Variants in CEP170B observed in about 807,000 individuals in gnomAD.
The protein encoded by CEP170B is centrosomal protein of 170 kDa protein B.
A neutral mutation model predicts 120.6 loss-of-function variants in CEP170B; 55 were observed. The ratio of observed to expected loss-of-function variants is 0.46; its 90% confidence interval spans 0.37 to 0.57. The LOEUF (loss-of-function observed/expected upper bound fraction) is 0.57. Among genes scored for constraint, CEP170B ranks in the 20% least tolerant of loss-of-function variants. The pLI, the probability that CEP170B is intolerant of heterozygous loss-of-function variation, is 0.00. For synonymous variants in CEP170B, 1,033 were observed against 954.5 expected, an observed-to-expected ratio of 1.08 and a Z score of -1.52; for missense variants, 2,212 against 2,253.3, an observed-to-expected ratio of 0.98 and a Z score of 0.37.
At chr14:104,877,804 A>AACCCC in intron 3 of CEP170B, 81 bp from the exon 4 acceptor site, 2 of 572,572 alleles carry the variant, frequency 3.5e-6, no homozygotes, top group Non-Finnish European at 5.6e-6. Flanking sequence ...CCACCTGCTC[A>AACCCC]GCCCCACCAC....
Position 104,878,495 on chromosome 14 carries a change from A to G in CEP170B, c.327A>G (p.Ala109=). ...TGCAGCACCGAGTCCCGGAGGAGGCACTCAAGGTTAGTGCTGGCCAAGCCC... is the reference window on the plus strand; with the variant it reads ...TGCAGCACCGAGTCCCGGAGGAGGCGCTCAAGGTTAGTGCTGGCCAAGCCC... ...ERVQHRVPEE[A]LKHEKYTSQL... is the part of the protein sequence containing the mutation. Residue 109 remains alanine (A), a synonymous_variant, in exon 5 of 19, where the codon GCA becomes GCG. Coordinates refer to ENST00000414716, the MANE Select transcript of CEP170B (RefSeq NM_001112726.3). The G allele has an allele frequency of 6.2e-7, 1 of 1,611,166 alleles. No individual in the cohort carries two copies. The highest frequency in any genetic ancestry group is 8.5e-7 in the Non-Finnish European group (1 of 1,179,636).
intron 13 of CEP170B, among the ~76,000 whole-genome samples, chr14:104,890,719 T>TGGGTGGGTGTGGATGGATGGATGAGTG (rs60802019): frequency 3.0e-5 from 1 of 33,114 alleles, no homozygotes; most frequent in Non-Finnish European, 6.0e-5. Context: ...GATGGATGAG[T>TGGGTGGGTGTGGATGGATGGATGAGTG]GGTGGGTGGA....
intron 2 of CEP170B, among the ~76,000 whole-genome samples, chr14:104,869,081 C>T (rs1025819861): frequency 4.6e-5 from 7 of 152,158 alleles, no homozygotes; most frequent in Non-Finnish European, 7.4e-5. Context: ...GAGAGCCTGC[C>T]GAGCACCGGC....
At chr14:104,865,217 C>CG (rs1895141225), upstream of CEP170B, 1 of 7,240 alleles carries the variant, frequency 1.4e-4, no homozygotes, top group Non-Finnish European at 2.5e-4. The surrounding 1 kb of genome is among the most constrained non-coding windows in gnomAD (Gnocchi z 6.7). Context: ...GCGGGGCGGG[C>CG]GGGGGCGTGC....
In CEP170B at chr14:104,868,391, G is replaced by T; in HGVS notation, c.-27-33G>T. ...TCCAGGGGGCTAAGAACCAGGCCAG[G>T]GAGCCCCACTCTAACAATCCCCTCT... On this transcript the variant is annotated intron_variant, in intron 1 of 18. Transcript: ENST00000414716. The surrounding 1 kb of genome is among the most constrained non-coding windows in gnomAD (Gnocchi z 5.9). The T allele has an allele frequency of 1.4e-6, 2 of 1,458,684 alleles. No homozygotes were observed. The highest frequency in any genetic ancestry group is 1.9e-6 in the Non-Finnish European group (2 of 1,070,170). The allele number at this position is 1,458,684 out of a possible 1,614,324, so 90.4% of individuals were successfully genotyped here. A position where few individuals can be genotyped will look rare whatever the true frequency, so the allele number is the denominator to read the frequency against.
At position 104,891,283 on chromosome 14, in the gene CEP170B, A is replaced by G. The variant is rs566825439; in HGVS notation, c.3878+1525A>G. Among the ~76,000 whole-genome samples, 33 of 152,226 alleles carry G rather than the reference A, an allele frequency of 2.2e-4. No individual in the cohort carries two copies. Among genetic ancestry groups the G allele is most frequent in the South Asian group, 1.9e-3 (9 of 4,822 alleles). ...GGTGGGAGTGAGAGTGGTCTTTGCC[A>G]AGCAGTGGTCAGTACTGCAAAGGCA... On this transcript the variant is annotated intron_variant, in intron 13 of 18. Transcript: ENST00000414716. This position sits in a 1 kb window ranked among gnomAD's most constrained non-coding sequence, Gnocchi z 4.3.
chr14:104,885,662 G>GCTCAGAGGTGTCC (rs1294567640), intron 10 of CEP170B, 120 bp downstream of exon 10: 2 of 1,297,332 alleles, frequency 1.5e-6, no homozygotes, highest in African/African-American at 3.0e-5. Flanking sequence ...TGAGGGACAC[G>GCTCAGAGGTGTCC]CTCAGAGGAG....
intron 6 of CEP170B, among the ~76,000 whole-genome samples, chr14:104,882,002 G>A (rs1333228870): frequency 3.3e-5 from 5 of 152,116 alleles, no homozygotes; most frequent in Non-Finnish European, 4.4e-5. Flanking sequence ...CTGGGCTTCC[G>A]CAAGGATGGA....
rs530833119 is a variant in CEP170B at position 104,883,859 on chromosome 14, T to C, written c.1080T>C (p.Ser360=). 2.5e-6 allele frequency: 4 copies of C among 1,568,840 alleles called. No individual in the cohort carries two copies. The African/African-American group carries it at 4.1e-5, about 16-fold the overall frequency. The part of the protein sequence containing the change: ...KGHKHEDGTQ[S]DSEDPLAKAA... ...ACAAGCACGAGGACGGCACGCAGAG[T>C]GACTCAGAGGACCCCCTGGCCAAGG... is the stretch of plus-strand genomic sequence containing the variant. The change falls in exon 9 of 19, where the codon AGT becomes AGC. Residue 360 remains serine, a synonymous_variant. Transcript: ENST00000414716.
Position 104,888,127 on chromosome 14 carries a change from C to G in CEP170B, c.3739+149C>G, listed in dbSNP as rs190346921. The G allele has an allele frequency of 2.2e-5, 20 of 923,588 alleles. No homozygotes were observed. The East Asian group carries it at 5.4e-4, about 25-fold the overall frequency. The allele number at this position is 923,588 out of a possible 1,614,324, so 57.2% of individuals were successfully genotyped here. A position where few individuals can be genotyped will look rare whatever the true frequency, so the allele number is the denominator to read the frequency against. On this transcript the variant is annotated intron_variant, in intron 12 of 18. Coordinates refer to ENST00000414716, the MANE Select transcript of CEP170B (RefSeq NM_001112726.3). ...TCCCAAAGCTGGGGTAGATGTGTTGCTGGACTCACGTGCACACACACACGT... is the reference window on the plus strand; with the variant it reads ...TCCCAAAGCTGGGGTAGATGTGTTGGTGGACTCACGTGCACACACACACGT...
intron 5 of CEP170B, among the ~76,000 whole-genome samples, chr14:104,878,916 T>G (rs1350442182): frequency 6.6e-6 from 1 of 151,994 alleles, no homozygotes; most frequent in Admixed American, 6.5e-5. Flanking sequence ...GTGAGCTGGG[T>G]GGCCAGAGCC....
Position 104,886,695 on chromosome 14 carries a change from G to A in CEP170B, c.2456G>A (p.Gly819Glu), listed in dbSNP as rs930438384. 6.4e-7 allele frequency: 1 copy of A among 1,562,858 alleles called. No homozygotes were observed. The highest frequency in any genetic ancestry group is 1.4e-5 in the African/African-American group (1 of 73,234). The change falls in exon 12 of 19, where the codon GGG (glycine) becomes GAG (glutamate). Residue 819 changes from glycine to glutamate, a missense_variant. Gly to Glu is a moderately conservative substitution (Grantham distance 98). This residue lies in a region of CEP170B where 2,166 missense variants were observed against 2,166.7 expected (regional missense o/e 1.00). Coordinates refer to ENST00000414716, the MANE Select transcript of CEP170B (RefSeq NM_001112726.3). ...SRKPLAAPGD[G>E]EGLGQTAQPS... ...AAACCGCTTGCGGCTCCAGGGGATG[G>A]GGAGGGCCTAGGGCAGACAGCCCAG...
At position 104,877,883 on chromosome 14, in the gene CEP170B, A is replaced by G; in HGVS notation, c.196-2A>G. On this transcript the variant is annotated splice_acceptor_variant, in intron 3 of 18. Transcript: ENST00000414716. LOFTEE classifies it high-confidence loss of function. ...CCCCCCCCGCCACCTGTTTTCCTGCAGACGTTTGTGAATGACATGCGCATC... is the reference window on the plus strand; with the variant it reads ...CCCCCCCCGCCACCTGTTTTCCTGCGGACGTTTGTGAATGACATGCGCATC... The G allele has an allele frequency of 9.3e-7, 1 of 1,074,284 alleles. No individual in the cohort carries two copies. The highest frequency in any genetic ancestry group is 1.3e-5 in the South Asian group (1 of 77,336). 66.5% of individuals were successfully genotyped at this position (1,074,284 alleles called of 1,614,324 possible). A position where few individuals can be genotyped will look rare whatever the true frequency, so the allele number is the denominator to read the frequency against.
intron 5 of CEP170B, among the ~76,000 whole-genome samples, 163 bp from the exon 6 acceptor site, chr14:104,880,124 G>A (rs1407903180): frequency 2.0e-5 from 3 of 152,184 alleles, no homozygotes; most frequent in Non-Finnish European, 4.4e-5. Context: ...TGTTACCTGG[G>A]CAGGCTGAGG....
intron 5 of CEP170B, among the ~76,000 whole-genome samples, chr14:104,879,325 C>G (rs949991802): frequency 2.6e-5 from 4 of 152,006 alleles, no homozygotes; most frequent in Non-Finnish European, 4.4e-5. Flanking sequence ...AGCTGAGGTG[C>G]TTTGGGGTCT....
At position 104,883,872 on chromosome 14, in the gene CEP170B, C is replaced by T. The variant is rs746721917; in HGVS notation, c.1093C>T (p.Pro365Ser). The T allele has an allele frequency of 6.7e-5, 105 of 1,575,368 alleles. No homozygotes were observed. Among genetic ancestry groups the T allele is most frequent in the Non-Finnish European group, 8.9e-5 (103 of 1,161,350 alleles). ...CGGCACGCAGAGTGACTCAGAGGAC[C>T]CCCTGGCCAAGGCGGCCTCGGCCGC... ...EDGTQSDSED[P>S]LAKAASAAGV... is the part of the protein sequence containing the mutation. The change falls in exon 9 of 19, where the codon CCC (proline) becomes TCC (serine). Residue 365 changes from proline (P) to serine (S), a missense_variant. Around this residue, in one of 2 missense-constraint regions of CEP170B, gnomAD observed 2,166 missense variants for 2,166.7 expected, o/e 1.00. Coordinates refer to ENST00000414716, the MANE Select transcript of CEP170B (RefSeq NM_001112726.3).
chr14:104,872,371 GC>G (rs1343390061), intron 2 of CEP170B, among the ~76,000 whole-genome samples: 1 of 92,954 alleles, frequency 1.1e-5, no homozygotes, highest in East Asian at 2.5e-4. Context: ...GCGTGTGTGT[GC>G]CATGGGTGTG....
At chr14:104,882,202 C>G (rs1296206041) in intron 6 of CEP170B, among the ~76,000 whole-genome samples, 1 of 151,726 alleles carries the variant, frequency 6.6e-6, no homozygotes. Context: ...TTAAGGCAAA[C>G]AAACTAAAAT....
At chr14:104,873,926 C>T (rs1323011796) in intron 2 of CEP170B, among the ~76,000 whole-genome samples, 2 of 152,150 alleles carry the variant, frequency 1.3e-5, no homozygotes, top group Non-Finnish European at 2.9e-5. Flanking sequence ...GCCCATGTGT[C>T]GGGCGGGCTG....
Sources: allele counts gnomAD v4.1 joint callset (sites outside exome capture counted in the v4.1 genomes callset), GRCh38; gene constraint gnomAD v4.1.1; regional missense constraint gnomAD v4.1.1; non-coding constraint Gnocchi (gnomAD v3.1); transcripts MANE v1.5; gene names NCBI Gene and HGNC (gene_info 2026-07-23, HGNC 2026-07-21).